The following MCAM variants were observed in gnomAD, a reference collection of about 807,000 sequenced individuals.
The protein encoded by MCAM is cell surface glycoprotein MUC18.
MCAM carries 55 observed loss-of-function variants against 79.1 expected under a neutral mutation model. The observed-to-expected ratio is 0.70, with a 90% CI of 0.56 to 0.87. The LOEUF (loss-of-function observed/expected upper bound fraction) is 0.87, where lower values mean the gene tolerates loss of function less well. MCAM is among the 40% of genes least tolerant of loss of function. The pLI, the probability that MCAM is intolerant of heterozygous loss-of-function variation, is 0.00. For synonymous variants in MCAM, 330 were observed against 339.8 expected (o/e 0.97, Z 0.32); for missense variants, 745 against 839.8 (o/e 0.89, Z 1.40).
chr11:119,313,229 A>C (rs1463664229), intron 5 of MCAM: 10 of 1,421,182 alleles, frequency 7.0e-6, no homozygotes, highest in Non-Finnish European at 8.4e-6. Flanking sequence ...CTAAATGGGG[A>C]ATGGTGAACT....
intron 14 of MCAM, 104 bp from the exon 15 acceptor site, chr11:119,310,570 C>A: frequency 9.2e-7 from 1 of 1,085,994 alleles, no homozygotes; most frequent in Non-Finnish European, 1.4e-6. Context: ...TGCTCCAGGG[C>A]CAGCCCAGGG....
rs776965140 is a variant in MCAM, at chr11:119,314,968, C to T, written c.265G>A (p.Glu89Lys). 7 of 1,611,864 alleles carry T rather than the reference C, an allele frequency of 4.3e-6. 1 individual carries two copies. In the South Asian group the frequency reaches 4.4e-5, roughly 10 times the overall value. The change falls in exon 3 of 16, where the codon GAG (glutamate) becomes AAG (lysine). Residue 89 changes from glutamate (E) to lysine (K), a missense_variant. Transcript: ENST00000264036. ...GQGQSEPGEYEQRLSLQDRGA... is the reference protein window; with the variant it reads ...GQGQSEPGEYKQRLSLQDRGA... ...CTGTCCTGGAGGCTGAGCCGCTGCTCGTACTCCCCAGGTTCGCTCTGGCCC... is the reference window on the plus strand; with the variant it reads ...CTGTCCTGGAGGCTGAGCCGCTGCTTGTACTCCCCAGGTTCGCTCTGGCCC...
In MCAM at chr11:119,311,991, T is replaced by C. The variant is rs374381997; in HGVS notation, c.1144-42A>G. The C allele has an allele frequency of 4.5e-5, 72 of 1,610,954 alleles. No homozygotes were observed. In the African/African-American group the frequency reaches 8.4e-4, roughly 19 times the overall value. On this transcript the variant is annotated intron_variant, in intron 9 of 15. Coordinates refer to ENST00000264036, the MANE Select transcript of MCAM (RefSeq NM_006500.3). The surrounding 1 kb of genome is among the most constrained non-coding windows in gnomAD (Gnocchi z 4.4). ...GTCAGAGGGTCTGGGAAAGAGCACA[T>C]TCTTGTCACCGCCAGCCCCACCCAC...
rs953915118 is a variant in MCAM at position 119,316,894 on chromosome 11, GC to G, written c.67+140del. 3 of 651,932 alleles carry G rather than the reference GC, an allele frequency of 4.6e-6. No individual in the cohort carries two copies. The African/African-American group carries it at 5.8e-5, about 13-fold the overall frequency. 40.4% of individuals were successfully genotyped at this position (651,932 alleles called of 1,614,324 possible). A position where few individuals can be genotyped will look rare whatever the true frequency, so the allele number is the denominator to read the frequency against. On this transcript the variant is annotated intron_variant, in intron 1 of 15. Coordinates refer to ENST00000264036, the MANE Select transcript of MCAM (RefSeq NM_006500.3). This position sits in a 1 kb window ranked among gnomAD's most constrained non-coding sequence, Gnocchi z 4.8. ...AAGAAGAGTTGCTCGCGCGCAAGGC[GC>G]CCGGGGATCGGGGACCCAGGGAGGA... is the stretch of plus-strand genomic sequence containing the variant.
In MCAM at chr11:119,311,872, G is replaced by T; in HGVS notation, c.1221C>A (p.Cys407Ter). The change falls in exon 10 of 16, where the codon TGC becomes TGA. Residue 407 changes from cysteine (C) to a stop codon, truncating the protein, a stop_gained. Coordinates refer to ENST00000264036, the MANE Select transcript of MCAM (RefSeq NM_006500.3). LOFTEE classifies it high-confidence loss of function. This position sits in a 1 kb window ranked among gnomAD's most constrained non-coding sequence, Gnocchi z 4.4. ...CGGGTATGCTGGGCACAGACGCCAC[G>T]CAGCGATAGCCGCCTCCTGCCTCCC... The part of the protein sequence containing the change: ...LKREAGGGYR[C>*]VASVPSIPGL... 2 of 1,614,110 alleles carry T rather than the reference G, an allele frequency of 1.2e-6. No individual in the cohort carries two copies. Among genetic ancestry groups the T allele is most frequent in the Non-Finnish European group, 1.7e-6 (2 of 1,180,026 alleles).
In MCAM at chr11:119,311,364, T is replaced by G. The variant is rs759481275; in HGVS notation, c.1465A>C (p.Thr489Pro). The G allele has an allele frequency of 5.0e-6, 8 of 1,614,074 alleles. No individual in the cohort carries two copies. Among genetic ancestry groups the G allele is most frequent in the East Asian group, 2.2e-5 (1 of 44,862 alleles). ...RVLSTLNVLV[T>P]PELLETGVEC... is the part of the protein sequence containing the mutation. ...ACACCTGTCTCCAACAGCTCCGGGG[T>G]CACGAGGACATTCAGGGTGCTCAGG... Residue 489 changes from threonine to proline, a missense_variant, in exon 12 of 16, where the codon ACC (threonine) becomes CCC (proline). Thr to Pro is a conservative substitution (Grantham distance 38, BLOSUM62 -1). Transcript: ENST00000264036. This position sits in a 1 kb window ranked among gnomAD's most constrained non-coding sequence, Gnocchi z 4.4.
In MCAM at chr11:119,316,691, G is replaced by C. The variant is rs1950314380; in HGVS notation, c.67+344C>G. ...CAGGCTTTGAGGATGCGCCCCAGCT[G>C]CGCCTCCTGCCCGGCTTCAATTGCG... On this transcript the variant is annotated intron_variant, in intron 1 of 15. Coordinates refer to ENST00000264036, the MANE Select transcript of MCAM (RefSeq NM_006500.3). This position sits in a 1 kb window ranked among gnomAD's most constrained non-coding sequence, Gnocchi z 4.8. 1 of 257,026 alleles carries C rather than the reference G, an allele frequency of 3.9e-6. No homozygotes were observed. The highest frequency in any genetic ancestry group is 5.6e-5 in the Admixed American group (1 of 17,888). The allele number at this position is 257,026 out of a possible 1,614,324, so 15.9% of individuals were successfully genotyped here.
At position 119,314,967 on chromosome 11, in the gene MCAM, T is replaced by C. The variant is rs34587557; in HGVS notation, c.266A>G (p.Glu89Gly). 0.046 allele frequency: 73,793 copies of C among 1,612,032 alleles called. 1,972 individuals are homozygous for C. The highest frequency in any genetic ancestry group is 0.052 in the Non-Finnish European group (61,739 of 1,179,988). Residue 89 changes from glutamate to glycine, a missense_variant, in exon 3 of 16, where the codon GAG (glutamate) becomes GGG (glycine). Physicochemically the swap from Glu to Gly is moderately conservative, Grantham distance 98 (BLOSUM62 -2). Transcript: ENST00000264036. ...TCTGTCCTGGAGGCTGAGCCGCTGC[T>C]CGTACTCCCCAGGTTCGCTCTGGCC... ...GQGQSEPGEYEQRLSLQDRGA... is the reference protein window; with the variant it reads ...GQGQSEPGEYGQRLSLQDRGA...
rs139537129 is a variant in MCAM, at chr11:119,310,036, G to T, written c.1912-121C>A. ...TGAATTTGGTGGGCAGCGTTGGGGA[G>T]GAAGCTAGGATGGGCATGGCAGGCC... is the stretch of plus-strand genomic sequence containing the variant. On this transcript the variant is annotated intron_variant, in intron 15 of 15. Coordinates refer to ENST00000264036, the MANE Select transcript of MCAM (RefSeq NM_006500.3). 51 of 861,818 alleles carry T rather than the reference G, an allele frequency of 5.9e-5. No homozygotes were observed. In the African/African-American group the frequency reaches 6.7e-4, roughly 11 times the overall value. The allele number at this position is 861,818 out of a possible 1,614,324, so 53.4% of individuals were successfully genotyped here.
intron 5 of MCAM, chr11:119,313,240 C>T (rs749682894): frequency 3.8e-5 from 53 of 1,402,604 alleles, no homozygotes; most frequent in Non-Finnish European, 4.7e-5. Context: ...ATGGTGAACT[C>T]GACTACCTGC....
chr11:119,316,341 G>T lies in MCAM; in HGVS notation c.67+694C>A, dbSNP rs1281879334. On this transcript the variant is annotated intron_variant, in intron 1 of 15. Coordinates refer to ENST00000264036, the MANE Select transcript of MCAM (RefSeq NM_006500.3). This position sits in a 1 kb window ranked among gnomAD's most constrained non-coding sequence, Gnocchi z 4.8. ...ACCCGAGAGCGCCCTGCTACCAGGC[G>T]GATCCGGAGAAACGCTCCGAGGTGC... 6.6e-6 allele frequency among the ~76,000 whole-genome samples: 1 copy of T among 152,218 alleles called. No homozygotes were observed. The highest frequency in any genetic ancestry group is 2.4e-5 in the African/African-American group (1 of 41,456).
chr11:119,314,387 C>G, intron 5 of MCAM, 102 bp downstream of exon 5: 1 of 1,059,668 alleles, frequency 9.4e-7, no homozygotes, highest in Non-Finnish European at 1.5e-6. Context: ...AACTCCTCAC[C>G]TCCAGAGATC....
chr11:119,314,461 G>C (rs989275330), intron 5 of MCAM, 28 bp downstream of exon 5: 8 of 1,599,236 alleles, frequency 5.0e-6, no homozygotes, highest in Non-Finnish European at 6.9e-6. Context: ...TGGCCCAAGG[G>C]TGGCTTTTGG....
At position 119,309,658 on chromosome 11, in the gene MCAM, G is replaced by A. The variant is rs1293121826; in HGVS notation, c.*228C>T. 3.9e-6 allele frequency: 2 copies of A among 507,210 alleles called. No individual in the cohort carries two copies. Among genetic ancestry groups the A allele is most frequent in the Admixed American group, 8.6e-5 (2 of 23,340 alleles). 31.4% of individuals were successfully genotyped at this position (507,210 alleles called of 1,614,324 possible). A position where few individuals can be genotyped will look rare whatever the true frequency, so the allele number is the denominator to read the frequency against. Reference sequence around the variant, plus strand: ...GACTGGGGCTCCTTGCTTGGGATGAGCTTCACTCAACGTGGAGGAGATGGT... The same window carrying A: ...GACTGGGGCTCCTTGCTTGGGATGAACTTCACTCAACGTGGAGGAGATGGT... On this transcript the variant is annotated 3_prime_UTR_variant, in exon 16 of 16. Transcript: ENST00000264036.
chr11:119,317,021 G>T lies in MCAM; in HGVS notation c.67+14C>A, dbSNP rs1385541037. 3 of 1,529,572 alleles carry T rather than the reference G, an allele frequency of 2.0e-6. No individual in the cohort carries two copies. Among genetic ancestry groups the T allele is most frequent in the Non-Finnish European group, 2.6e-6 (3 of 1,142,996 alleles). 94.8% of individuals were successfully genotyped at this position (1,529,572 alleles called of 1,614,324 possible). On this transcript the variant is annotated intron_variant, in intron 1 of 15. Transcript: ENST00000264036. This position sits in a 1 kb window ranked among gnomAD's most constrained non-coding sequence, Gnocchi z 6.2. ...CCCCTAGCCGGGGCGCGGCCCCCCT[G>T]CGAGCGAACTCACCCGCGACGCGAG...
Position 119,310,738 on chromosome 11 carries a change from G to A in MCAM, c.1793+18C>T. ...GTGGCAAAACGGGCGGGGGCGGAGG[G>A]GCCGGTGTTGGGCTTACATCTCCTG... On this transcript the variant is annotated intron_variant, in intron 14 of 15. Coordinates refer to ENST00000264036, the MANE Select transcript of MCAM (RefSeq NM_006500.3). The A allele has an allele frequency of 1.9e-6, 3 of 1,610,598 alleles. No individual in the cohort carries two copies. Among genetic ancestry groups the A allele is most frequent in the Non-Finnish European group, 2.5e-6 (3 of 1,177,934 alleles).
chr11:119,309,389 C>G lies in MCAM; in HGVS notation c.*497G>C, dbSNP rs912317152. 1 of 156,776 alleles carries G rather than the reference C, an allele frequency of 6.4e-6. No homozygotes were observed. The highest frequency in any genetic ancestry group is 1.4e-5 in the Non-Finnish European group (1 of 70,854). 9.7% of individuals were successfully genotyped at this position (156,776 alleles called of 1,614,324 possible). ...GGTGGCAGCAACACTGCAGCTGCTT[C>G]TGGATGCTGCTGGGGTGCTCTCCGG... On this transcript the variant is annotated 3_prime_UTR_variant, in exon 16 of 16. Transcript: ENST00000264036.
At position 119,314,043 on chromosome 11, in the gene MCAM, C is replaced by G. The variant is rs950443947; in HGVS notation, c.559+446G>C. 4.3e-5 allele frequency: 42 copies of G among 981,386 alleles called. No individual in the cohort carries two copies. The South Asian group carries it at 7.4e-4, about 17-fold the overall frequency. 60.8% of individuals were successfully genotyped at this position (981,386 alleles called of 1,614,324 possible). On this transcript the variant is annotated intron_variant, in intron 5 of 15. Coordinates refer to ENST00000264036, the MANE Select transcript of MCAM (RefSeq NM_006500.3). ...GGGGGTCTCAGGCAAGAAGAAACTT[C>G]TAGATTTTTTGTCAGTTTAAATTCT...
At position 119,315,021 on chromosome 11, in the gene MCAM, G is replaced by A. The variant is rs748928523; in HGVS notation, c.212C>T (p.Thr71Met). ...GCCCTGGCGCACACGGAAGATGAGC[G>A]TCCGCTTCTCCTTGTGGACCTAATG... ...DWFSVHKEKR[T>M]LIFRVRQGQG... Residue 71 changes from threonine (T) to methionine (M), a missense_variant, in exon 3 of 16, where the codon ACG becomes ATG. By Grantham distance (81) the Thr-to-Met change is moderately conservative (BLOSUM62 -1). Coordinates refer to ENST00000264036, the MANE Select transcript of MCAM (RefSeq NM_006500.3). The surrounding 1 kb of genome is among the most constrained non-coding windows in gnomAD (Gnocchi z 4.4). 20 of 1,608,396 alleles carry A rather than the reference G, an allele frequency of 1.2e-5. No homozygotes were observed. In the Admixed American group the frequency reaches 1.5e-4, roughly 12 times the overall value.
Sources: gnomAD v4.1 joint callset for allele counts (sites outside exome capture counted in the v4.1 genomes callset) on GRCh38, gnomAD v4.1.1 for gene constraint, Gnocchi (gnomAD v3.1) non-coding constraint, MANE v1.5 for transcripts, NCBI Gene and HGNC (gene_info 2026-07-23, HGNC 2026-07-21) for gene names.